The following TAF3 variants were observed in gnomAD, a reference collection of about 807,000 sequenced individuals.
TAF3 encodes transcription initiation factor TFIID subunit 3.
Under a neutral mutation model 80.6 loss-of-function variants are expected in TAF3, and 7 were observed. The ratio of observed to expected loss-of-function variants is 0.09; its 90% confidence interval spans 0.05 to 0.16. The LOEUF (loss-of-function observed/expected upper bound fraction) is 0.16. TAF3 is among the 10% of genes least tolerant of loss of function. TAF3 has a pLI of 1.00. For missense variants in TAF3, 921 were observed against 1,140.2 expected (o/e 0.81, Z 2.77); for synonymous variants, 444 against 446.1 (o/e 1.00, Z 0.06).
chr10:7,905,193 G>A (rs535975449), intron 2 of TAF3, among the ~76,000 whole-genome samples: 1 of 152,230 alleles, frequency 6.6e-6, no homozygotes, highest in East Asian at 1.9e-4. Flanking sequence ...TACACCCTAC[G>A]TTAGAGTTTG....
intron 2 of TAF3, among the ~76,000 whole-genome samples, chr10:7,903,991 G>A (rs928723751): frequency 6.6e-6 from 1 of 152,108 alleles, no homozygotes; most frequent in African/African-American, 2.4e-5. Flanking sequence ...TCTGGGTCAG[G>A]GTGTCTGAGA....
chr10:7,940,533 A>G (rs1165866176), intron 2 of TAF3, among the ~76,000 whole-genome samples: 1 of 152,254 alleles, frequency 6.6e-6, no homozygotes, highest in Admixed American at 6.5e-5. Flanking sequence ...GTTCTCATAA[A>G]GTTAGAAACA....
rs140002461 is a variant in TAF3 at position 7,944,748 on chromosome 10, T to C, written c.410-19172T>C. 3.0e-4 allele frequency among the ~76,000 whole-genome samples: 46 copies of C among 152,256 alleles called. 1 individual carries two copies. The East Asian group carries it at 8.1e-3, about 27-fold the overall frequency. On this transcript the variant is annotated intron_variant, in intron 2 of 6. Transcript: ENST00000344293. ...AGGGTATAGAAGAATTAGACAAAAG[T>C]GATTATGGGAACTAGAGGGAGCCAC...
chr10:7,978,217 A>T (rs943947959), intron 4 of TAF3, among the ~76,000 whole-genome samples: 1 of 152,208 alleles, frequency 6.6e-6, no homozygotes, highest in Non-Finnish European at 1.5e-5. Context: ...TTTACATTCA[A>T]TTTTTAGCCA....
chr10:7,999,874 G>T (rs976082186), intron 4 of TAF3, among the ~76,000 whole-genome samples: 1 of 152,336 alleles, frequency 6.6e-6, no homozygotes, highest in Non-Finnish European at 1.5e-5. Flanking sequence ...AGACGCACTC[G>T]ATTGTGCAGC....
chr10:7,833,902 G>T, intron 2 of TAF3: 1 of 761,626 alleles, frequency 1.3e-6, no homozygotes, highest in Non-Finnish European at 1.8e-6. Flanking sequence ...TTCAGCCGCT[G>T]CACAGTGCGT....
At chr10:7,911,627 G>A (rs1200274404) in intron 2 of TAF3, among the ~76,000 whole-genome samples, 1 of 152,194 alleles carries the variant, frequency 6.6e-6, no homozygotes, top group Non-Finnish European at 1.5e-5. Flanking sequence ...CAAAGGAGGT[G>A]GGTTGTGGGA....
rs192555539 is a variant in TAF3, at chr10:7,840,085, A to C, written c.409+15525A>C. Among the ~76,000 whole-genome samples the C allele has an allele frequency of 3.5e-3, 526 of 152,288 alleles. 2 individuals carry two copies. The highest frequency in any genetic ancestry group is 5.5e-3 in the Non-Finnish European group (371 of 68,038). On this transcript the variant is annotated intron_variant, in intron 2 of 6. Transcript: ENST00000344293. ...ATGGGGGAGTATTTAAGGGATTGAA[A>C]AATTTTTTTTTTAAGTTTTAATGTT...
intron 2 of TAF3, among the ~76,000 whole-genome samples, chr10:7,906,409 T>C (rs890809718): frequency 6.6e-6 from 1 of 152,202 alleles, no homozygotes; most frequent in Admixed American, 6.5e-5. Context: ...ATGATTCTTA[T>C]TCAAAGGAAA....
Position 8,015,864 on chromosome 10 carries a change from A to G in TAF3, c.*1113A>G, listed in dbSNP as rs1032237624. Reference sequence around the variant, plus strand: ...TGTAGTTTCCATGAAAGTAAAAAAAAAAAACAACAAAAAACCCACATATAC... The same window carrying G: ...TGTAGTTTCCATGAAAGTAAAAAAAGAAAACAACAAAAAACCCACATATAC... On this transcript the variant is annotated 3_prime_UTR_variant, in exon 7 of 7. Transcript: ENST00000344293. The G allele has an allele frequency of 2.0e-5, 3 of 151,714 alleles. No individual in the cohort carries two copies. Among genetic ancestry groups the G allele is most frequent in the Non-Finnish European group, 2.9e-5 (2 of 67,932 alleles). The allele number at this position is 151,714 out of a possible 1,614,324, so 9.4% of individuals were successfully genotyped here.
intron 2 of TAF3, among the ~76,000 whole-genome samples, chr10:7,939,559 T>C (rs187821): frequency 0.27 from 38,686 of 145,272 alleles, 5,148 homozygotes; most frequent in African/African-American, 0.28. Context: ...AGAGACAATG[T>C]AGGAAATAGA....
chr10:7,965,531 T>A lies in TAF3; in HGVS notation c.2021T>A (p.Val674Asp). ...PLFSPATASR[V>D]PAMLPSLLPV... The stretch of plus-strand genomic sequence containing the variant: ...TTCAGCCCTGCCACAGCCTCCAGGG[T>A]CCCAGCCATGCTGCCATCTTTGTTG... The change falls in exon 3 of 7, where the codon GTC becomes GAC. Residue 674 changes from valine to aspartate, a missense_variant. By Grantham distance (152) the Val-to-Asp change is radical. Coordinates refer to ENST00000344293, the MANE Select transcript of TAF3 (RefSeq NM_031923.4). 3 of 1,602,986 alleles carry A rather than the reference T, an allele frequency of 1.9e-6. No homozygotes were observed.
chr10:7,856,179 A>G (rs904671929), intron 2 of TAF3, among the ~76,000 whole-genome samples: 9 of 152,090 alleles, frequency 5.9e-5, no homozygotes, highest in African/African-American at 2.2e-4. Flanking sequence ...AAATCCTAGA[A>G]AAAGCAGAAT....
intron 2 of TAF3, among the ~76,000 whole-genome samples, chr10:7,918,345 G>GT (rs1436402775): frequency 1.3e-5 from 2 of 152,136 alleles, no homozygotes; most frequent in African/African-American, 4.8e-5. Flanking sequence ...TGGAATGTAT[G>GT]TTTCTGTGTT....
chr10:7,942,821 G>A (rs1177687365), intron 2 of TAF3, among the ~76,000 whole-genome samples: 1 of 152,110 alleles, frequency 6.6e-6, no homozygotes, highest in East Asian at 1.9e-4. Context: ...TGTCGTTTTT[G>A]GGCTCTTAAC....
At position 7,818,745 on chromosome 10, in the gene TAF3, C is replaced by T; in HGVS notation, c.36C>T (p.Val12=). Residue 12 remains valine (V), a synonymous_variant, in exon 1 of 7, where the codon GTC becomes GTT. Transcript: ENST00000344293. ...GTTACTCCAGGTCGTTGTTGAGGGT[C>T]TCGGTGGCGCAGATCTGCCAGGCGC... ...CESYSRSLLR[V]SVAQICQALG... is the part of the protein sequence containing the mutation. 6.2e-7 allele frequency: 1 copy of T among 1,604,394 alleles called. No homozygotes were observed. The highest frequency in any genetic ancestry group is 8.5e-7 in the Non-Finnish European group (1 of 1,178,368).
intron 2 of TAF3, among the ~76,000 whole-genome samples, chr10:7,862,063 C>T (rs1837153811): frequency 6.6e-6 from 1 of 152,130 alleles, no homozygotes. Context: ...TTCTGCTACA[C>T]ATGCAGTTAA....
chr10:7,831,451 T>G (rs1344326163), intron 2 of TAF3, among the ~76,000 whole-genome samples: 3 of 152,166 alleles, frequency 2.0e-5, no homozygotes, highest in Non-Finnish European at 4.4e-5. Context: ...GTTCAAGGGA[T>G]TCTCCTGCCT....
chr10:7,844,970 A>G (rs1018535689), intron 2 of TAF3, among the ~76,000 whole-genome samples: 1 of 151,968 alleles, frequency 6.6e-6, no homozygotes, highest in Non-Finnish European at 1.5e-5. Flanking sequence ...TTTTTCTTTT[A>G]TATTATTTCC....
Sources: allele counts gnomAD v4.1 joint callset (sites outside exome capture counted in the v4.1 genomes callset), GRCh38; gene constraint gnomAD v4.1.1; transcripts MANE v1.5; gene names NCBI Gene and HGNC (gene_info 2026-07-23, HGNC 2026-07-21).